PCDH15: variants seen among roughly 807,000 people sequenced by gnomAD.
PCDH15 encodes the protein protocadherin-15.
In PCDH15, 129 loss-of-function variants were observed where a neutral mutation model predicts 178.5. The observed-to-expected ratio is 0.72, with a 90% confidence interval of 0.63 to 0.84. The LOEUF is 0.84. Among genes scored for constraint, PCDH15 ranks in the 40% least tolerant of loss-of-function variants. The pLI is 0.00. For missense variants in PCDH15, 2,230 were observed against 2,099.9 expected (o/e 1.06, Z -1.21); for synonymous variants, 800 against 732.0 (o/e 1.09, Z -1.50).
intron 2 of PCDH15, among the ~76,000 whole-genome samples, chr10:55,478,343 T>A (rs1003615891): frequency 6.6e-6 from 1 of 151,604 alleles, no homozygotes. Context: ...TAAAAAACAT[T>A]CCATCCAACA....
intron 13 of PCDH15, among the ~76,000 whole-genome samples, chr10:54,172,438 C>T (rs1019270171): frequency 7.9e-5 from 12 of 152,060 alleles, no homozygotes; most frequent in East Asian, 3.9e-4. Context: ...CGCCTGCACC[C>T]GGGTGAAATA....
chr10:54,670,051 C>T (rs2094635336), intron 1 of PCDH15, among the ~76,000 whole-genome samples: 1 of 151,976 alleles, frequency 6.6e-6, no homozygotes, highest in Admixed American at 6.6e-5. Flanking sequence ...AAGACAGATT[C>T]CATTTCAAAT....
intron 2 of PCDH15, among the ~76,000 whole-genome samples, chr10:55,568,069 G>A (rs1013419059): frequency 1.1e-4 from 16 of 151,870 alleles, no homozygotes; most frequent in African/African-American, 3.4e-4. Context: ...CCATTTCTAG[G>A]TATGTACCCA....
chr10:54,422,409 A>G (rs188811705), intron 3 of PCDH15, among the ~76,000 whole-genome samples: 1,823 of 152,266 alleles, frequency 0.012, 32 homozygotes, highest in African/African-American at 0.042. Context: ...ATGACACATG[A>G]TAAGTGGTCA....
At chr10:54,474,227 A>C (rs1295353310) in intron 3 of PCDH15, among the ~76,000 whole-genome samples, 4 of 151,928 alleles carry the variant, frequency 2.6e-5, no homozygotes, top group Non-Finnish European at 5.9e-5. Context: ...TTTAGCAATA[A>C]AAATTAAGTT....
At chr10:53,905,854 AATTAT>A (rs2082645506) in intron 25 of PCDH15, among the ~76,000 whole-genome samples, 1 of 151,928 alleles carries the variant, frequency 6.6e-6, no homozygotes, top group African/African-American at 2.4e-5. Flanking sequence ...GATTATACTT[AATTAT>A]AATATTTTAA....
At chr10:55,487,853 C>T (rs549889823) in intron 2 of PCDH15, among the ~76,000 whole-genome samples, 1 of 151,632 alleles carries the variant, frequency 6.6e-6, no homozygotes, top group Non-Finnish European at 1.5e-5. Flanking sequence ...AATTATGACA[C>T]TTGTCTTCAT....
intron 3 of PCDH15, among the ~76,000 whole-genome samples, chr10:54,837,693 C>G (rs1953341756): frequency 6.6e-6 from 1 of 152,026 alleles, no homozygotes; most frequent in Non-Finnish European, 1.5e-5. Context: ...AATAGGAGAT[C>G]CCCTGCTCAT....
rs80247917 is a variant in PCDH15, at chr10:55,626,241, T to C, written c.-156+1384A>G. ...CAGCAGTTCAAGTTCCAGATTCCAC[T>C]AGTTGCAGTTTAATGTAAAGGGATC... On this transcript the variant is annotated intron_variant, in intron 2 of 5. Transcript: ENST00000613346. 2.6e-5 allele frequency among the ~76,000 whole-genome samples: 4 copies of C among 152,150 alleles called. No homozygotes were observed. The South Asian group carries it at 8.3e-4, about 32-fold the overall frequency.
At chr10:54,914,868 G>A (rs774940694) in intron 2 of PCDH15, among the ~76,000 whole-genome samples, 10 of 152,108 alleles carry the variant, frequency 6.6e-5, no homozygotes, top group African/African-American at 1.7e-4. Context: ...GGTAAGTGTC[G>A]TCCTCACTCA....
At chr10:54,358,553 A>C (rs1222232773) in intron 5 of PCDH15, among the ~76,000 whole-genome samples, 1 of 152,050 alleles carries the variant, frequency 6.6e-6, no homozygotes, top group East Asian at 1.9e-4. Context: ...ACACTTTTAC[A>C]CTGTTGGTGG....
rs1416439935 is a variant in PCDH15 at position 54,323,834 on chromosome 10, G to GA, written c.705+5761dup. Among the ~76,000 whole-genome samples the GA allele has an allele frequency of 9.9e-5, 15 of 152,008 alleles. No individual in the cohort carries two copies. In the East Asian group the frequency reaches 1.4e-3, roughly 14 times the overall value. ...CCCTGTGCTTAAAATAAAAGTTGAG[G>GA]AAAAAAATAATGCTTCTATGAACAT... On this transcript the variant is annotated intron_variant, in intron 7 of 37. Transcript: ENST00000644397.
At chr10:55,237,188 G>A (rs1841405835) in intron 1 of PCDH15, among the ~76,000 whole-genome samples, 1 of 151,944 alleles carries the variant, frequency 6.6e-6, no homozygotes, top group South Asian at 2.1e-4. Context: ...AGACTTTGAG[G>A]GATGAAATCG....
intron 3 of PCDH15, among the ~76,000 whole-genome samples, chr10:54,809,623 T>C (rs1454556920): frequency 2.6e-5 from 4 of 152,142 alleles, no homozygotes; most frequent in Non-Finnish European, 4.4e-5. Flanking sequence ...AAACACTATC[T>C]GAAATGCTGC....
In PCDH15 at chr10:54,655,256, A is replaced by AAGAGAGAGAGAGAGAGAGAGAG. The variant is rs1173377441; in HGVS notation, c.91+8894_91+8915dup. Among the ~76,000 whole-genome samples the AAGAGAGAGAGAGAGAGAGAGAG allele has an allele frequency of 1.3e-3, 65 of 48,884 alleles. 3 individuals carry two copies. Among genetic ancestry groups the AAGAGAGAGAGAGAGAGAGAGAG allele is most frequent in the Non-Finnish European group, 1.5e-3 (39 of 25,964 alleles). 32.1% of individuals were successfully genotyped at this position (48,884 alleles called of 152,430 possible). On this transcript the variant is annotated intron_variant, in intron 2 of 37. Transcript: ENST00000644397. ...AGGAAGGGAAAGAAAGAAAGAAAGA[A>AAGAGAGAGAGAGAGAGAGAGAG]AGAGAGAGAGAGAGAGAGAGAGAGA...
intron 1 of PCDH15, among the ~76,000 whole-genome samples, chr10:54,715,714 A>G (rs955847): frequency 0.87 from 132,133 of 151,724 alleles, 58,185 homozygotes; most frequent in Middle Eastern, 0.93. Context: ...CACTCCCTCC[A>G]CGTCACACTC....
At chr10:55,480,947 C>T (rs1386550718) in intron 2 of PCDH15, among the ~76,000 whole-genome samples, 1 of 151,744 alleles carries the variant, frequency 6.6e-6, no homozygotes, top group Non-Finnish European at 1.5e-5. Flanking sequence ...TAGAATTCAG[C>T]TGTGAATCCA....
chr10:55,107,484 C>CTTTTTTTT (rs11290952), intron 2 of PCDH15, among the ~76,000 whole-genome samples: 10 of 86,238 alleles, frequency 1.2e-4, no homozygotes, highest in South Asian at 9.3e-4. Flanking sequence ...ATTCTCTTTC[C>CTTTTTTTT]TTTTTTTTTT....
At chr10:54,196,814 C>T (rs550658458) in intron 10 of PCDH15, among the ~76,000 whole-genome samples, 7 of 152,180 alleles carry the variant, frequency 4.6e-5, no homozygotes, top group African/African-American at 1.4e-4. Flanking sequence ...TCCTTTTCCC[C>T]GCCTCCCACC....
Sources: gnomAD v4.1 joint callset for allele counts (sites outside exome capture counted in the v4.1 genomes callset) on GRCh38, gnomAD v4.1.1 for gene constraint, MANE v1.5 for transcripts, NCBI Gene and HGNC (gene_info 2026-07-23, HGNC 2026-07-21) for gene names.